The following MYO5A variants were observed in gnomAD, a reference collection of about 807,000 sequenced individuals.
MYO5A encodes the protein unconventional myosin-Va.
A neutral mutation model predicts 249.7 loss-of-function variants in MYO5A; 98 were observed. The observed-to-expected ratio is 0.39, with a 90% confidence interval of 0.33 to 0.46. The LOEUF (loss-of-function observed/expected upper bound fraction) is 0.46, where lower values mean the gene tolerates loss of function less well. MYO5A is among the 20% of genes least tolerant of loss of function. The probability of loss-of-function intolerance (pLI) is 0.98; values close to 1 mark genes in which losing one functional copy is unlikely to be tolerated. For missense variants in MYO5A, 1,696 were observed against 2,308.8 expected, an observed-to-expected ratio of 0.73 and a Z score of 5.44; for synonymous variants, 778 against 810.6, an observed-to-expected ratio of 0.96 and a Z score of 0.68.
At chr15:52,480,533 C>A (rs2076693781) in intron 1 of MYO5A, among the ~76,000 whole-genome samples, 1 of 152,228 alleles carries the variant, frequency 6.6e-6, no homozygotes, top group Non-Finnish European at 1.5e-5. Context: ...GATCCCCGAT[C>A]CTTGAGGCCC....
At chr15:52,415,857 G>C in intron 5 of MYO5A, 1 of 432,496 alleles carries the variant, frequency 2.3e-6, no homozygotes, top group Admixed American at 3.7e-5. Context: ...ATGAGGAGAA[G>C]GAAACTTAAT....
intron 22 of MYO5A, among the ~76,000 whole-genome samples, 196 bp from the exon 23 acceptor site, chr15:52,367,320 A>G (rs1242586757): frequency 6.6e-6 from 1 of 152,152 alleles, no homozygotes; most frequent in East Asian, 1.9e-4. Flanking sequence ...ACCCCCTTCA[A>G]TTAGCTGTCT....
At chr15:52,395,171 T>C (rs2042433349) in intron 11 of MYO5A, among the ~76,000 whole-genome samples, 1 of 152,210 alleles carries the variant, frequency 6.6e-6, no homozygotes, top group Non-Finnish European at 1.5e-5. Flanking sequence ...TTTACCTACA[T>C]ATTTCTAAAG....
intron 24 of MYO5A, among the ~76,000 whole-genome samples, chr15:52,363,472 T>C (rs2040642578): frequency 6.6e-6 from 1 of 152,248 alleles, no homozygotes; most frequent in Non-Finnish European, 1.5e-5. Flanking sequence ...TTTTGGTCTC[T>C]TTTAGACAGG....
intron 1 of MYO5A, among the ~76,000 whole-genome samples, chr15:52,464,573 G>C (rs1157593104): frequency 6.6e-6 from 1 of 152,202 alleles, no homozygotes; most frequent in African/African-American, 2.4e-5. Flanking sequence ...CAGGGACAAC[G>C]AACACCGAAA....
At chr15:52,469,489 G>A (rs781266710) in intron 1 of MYO5A, among the ~76,000 whole-genome samples, 1 of 152,218 alleles carries the variant, frequency 6.6e-6, no homozygotes, top group African/African-American at 2.4e-5. Context: ...TGAGGAGGAG[G>A]AGGAAGAGGA....
rs539742396 is a variant in MYO5A, at chr15:52,424,200, T to C, written c.455+1630A>G. On this transcript the variant is annotated intron_variant, in intron 4 of 41. Coordinates refer to ENST00000399233, the MANE Select transcript of MYO5A (RefSeq NM_001382347.1). ...AATTTTAAGCTTAAAAAATAACTTT[T>C]CTTAAGCTTTGAACACTAATTACTA... 2.6e-5 allele frequency among the ~76,000 whole-genome samples: 4 copies of C among 152,372 alleles called. No individual in the cohort carries two copies. In the East Asian group the frequency reaches 7.7e-4, roughly 29 times the overall value.
rs574439569 is a variant in MYO5A at position 52,473,915 on chromosome 15, C to A, written c.28-40630G>T. Among the ~76,000 whole-genome samples, 136 of 152,230 alleles carry A rather than the reference C, an allele frequency of 8.9e-4. 2 individuals carry two copies. The highest frequency in any genetic ancestry group is 3.1e-3 in the African/African-American group (128 of 41,538). ...CATATGAACTTTAAAGTAGTTTTTT[C>A]CAATTCTGTGAAGAAAGTCATTGGT... On this transcript the variant is annotated intron_variant, in intron 1 of 41. Coordinates refer to ENST00000399233, the MANE Select transcript of MYO5A (RefSeq NM_001382347.1).
intron 1 of MYO5A, among the ~76,000 whole-genome samples, chr15:52,444,277 CATCT>C (rs2075844152): frequency 6.6e-6 from 1 of 151,982 alleles, no homozygotes; most frequent in Non-Finnish European, 1.5e-5. Context: ...TTAGTATTTC[CATCT>C]ATAATTAGCT....
Position 52,372,291 on chromosome 15 carries a change from T to C in MYO5A, c.2650A>G (p.Arg884Gly). 1.2e-6 allele frequency: 2 copies of C among 1,610,534 alleles called. No homozygotes were observed. The highest frequency in any genetic ancestry group is 1.7e-6 in the Non-Finnish European group (2 of 1,180,004). ...AGGTAGATGATGGCATGCATGCTCC[T>C]CTTGTAGTGTGTGCGGGCCAGCCAG... is the stretch of plus-strand genomic sequence containing the variant. ...RGWLARTHYK[R>G]SMHAIIYLQC... Residue 884 changes from arginine (R) to glycine (G), a missense_variant, in exon 21 of 42, where the codon AGG (arginine) becomes GGG (glycine). Physicochemically the swap from Arg to Gly is moderately radical, Grantham distance 125. Transcript: ENST00000399233.
chr15:52,412,230 C>T (rs2043280781), intron 5 of MYO5A, among the ~76,000 whole-genome samples: 1 of 152,162 alleles, frequency 6.6e-6, no homozygotes, highest in Admixed American at 6.6e-5. Flanking sequence ...TGGGCCACAG[C>T]TTCTCCTCCT....
intron 36 of MYO5A, 121 bp downstream of exon 36, chr15:52,327,731 A>G: frequency 9.2e-7 from 1 of 1,082,754 alleles, no homozygotes; most frequent in East Asian, 2.4e-5. Context: ...GTAAGTAAAT[A>G]AAAATTGGAA....
chr15:52,405,927 T>C (rs2042985883), intron 8 of MYO5A, among the ~76,000 whole-genome samples: 1 of 152,198 alleles, frequency 6.6e-6, no homozygotes, highest in South Asian at 2.1e-4. Context: ...AAAGTAATTA[T>C]TTAATTACTT....
intron 37 of MYO5A, 49 bp from the exon 38 acceptor site, chr15:52,321,558 T>G (rs2038314006): frequency 6.3e-7 from 1 of 1,596,030 alleles, no homozygotes; most frequent in Non-Finnish European, 8.6e-7. Flanking sequence ...AACCTGTCTC[T>G]TCAGTTTAAC....
intron 8 of MYO5A, 64 bp downstream of exon 8, chr15:52,407,228 A>G (rs953183592): frequency 2.6e-6 from 3 of 1,171,912 alleles, no homozygotes; most frequent in Non-Finnish European, 3.9e-6. Context: ...CCAATATTCT[A>G]AACAAAGGTT....
At chr15:52,420,705 G>C (rs1005669327) in intron 4 of MYO5A, among the ~76,000 whole-genome samples, 1 of 151,924 alleles carries the variant, frequency 6.6e-6, no homozygotes, top group African/African-American at 2.4e-5. Context: ...AATCTGAGTG[G>C]GATAATGAAG....
intron 14 of MYO5A, 30 bp from the exon 15 acceptor site, chr15:52,384,352 A>T (rs775044873): frequency 6.2e-7 from 1 of 1,607,914 alleles, no homozygotes; most frequent in Non-Finnish European, 8.5e-7. Context: ...AAGAAATTAC[A>T]TTCTAAACCA....
rs1463561385 is a variant in MYO5A at position 52,493,307 on chromosome 15, T to C, written c.27+35473A>G. The stretch of plus-strand genomic sequence containing the variant: ...TAATTCCAGAGCTATAAAATAAATA[T>C]GTAGCCACTCTTTCCCATAGCACAT... On this transcript the variant is annotated intron_variant, in intron 1 of 41. Coordinates refer to ENST00000399233, the MANE Select transcript of MYO5A (RefSeq NM_001382347.1). 2.0e-5 allele frequency among the ~76,000 whole-genome samples: 3 copies of C among 150,496 alleles called. No individual in the cohort carries two copies. The East Asian group carries it at 5.9e-4, about 30-fold the overall frequency.
chr15:52,343,233 A>G (rs754528441), intron 30 of MYO5A, 36 bp from the exon 31 acceptor site: 9 of 1,534,228 alleles, frequency 5.9e-6, no homozygotes, highest in Non-Finnish European at 7.2e-6. Flanking sequence ...CAAAACACAA[A>G]AGGATACAGG....
Sources: gnomAD v4.1 joint callset for allele counts (sites outside exome capture counted in the v4.1 genomes callset) on GRCh38, gnomAD v4.1.1 for gene constraint, MANE v1.5 for transcripts, NCBI Gene and HGNC (gene_info 2026-07-23, HGNC 2026-07-21) for gene names.